The following LAMC1 variants were observed in gnomAD, a reference collection of about 807,000 sequenced individuals.
LAMC1 encodes the protein laminin subunit gamma 1.
LAMC1 carries 38 observed loss-of-function variants against 173.6 expected under a neutral mutation model. That is an observed-to-expected ratio of 0.22 (90% CI 0.17 to 0.29). The LOEUF is 0.29. Among genes scored for constraint, LAMC1 ranks in the 10% least tolerant of loss-of-function variants. LAMC1 has a pLI of 1.00. For synonymous variants in LAMC1, 746 were observed against 749.1 expected (o/e 1.00, Z 0.07); for missense variants, 1,824 against 2,051.8 (o/e 0.89, Z 2.14).
chr1:183,076,243 G>T (rs148370579), intron 1 of LAMC1, among the ~76,000 whole-genome samples: 2 of 152,252 alleles, frequency 1.3e-5, no homozygotes, highest in African/African-American at 2.4e-5. Flanking sequence ...GGAAGTTTGC[G>T]TGCTTTCCAA....
chr1:183,033,443 G>A (rs2102008783), intron 1 of LAMC1, among the ~76,000 whole-genome samples: 1 of 152,262 alleles, frequency 6.6e-6, no homozygotes, highest in Non-Finnish European at 1.5e-5. Context: ...TAAGTCTGTG[G>A]GTTTTGCTGC....
intron 1 of LAMC1, among the ~76,000 whole-genome samples, chr1:183,075,271 T>C (rs777729513): frequency 3.3e-4 from 50 of 152,150 alleles, no homozygotes; most frequent in Non-Finnish European, 3.1e-4. Flanking sequence ...ACTGCTGGTG[T>C]GCGCCACCAC....
rs72729467 is a variant in LAMC1 at position 183,134,947 on chromosome 1, G to A, written c.4000-95G>A. The A allele has an allele frequency of 3.4e-3, 4,508 of 1,339,460 alleles. 11 individuals are homozygous for A. Among genetic ancestry groups the A allele is most frequent in the Non-Finnish European group, 4.2e-3 (3,963 of 938,122 alleles). 83.0% of individuals were successfully genotyped at this position (1,339,460 alleles called of 1,614,324 possible). A position where few individuals can be genotyped will look rare whatever the true frequency, so the allele number is the denominator to read the frequency against. On this transcript the variant is annotated intron_variant, in intron 23 of 27. Transcript: ENST00000258341. ...AGCCTAACAGATTTTATGCTGGCAA[G>A]TCTCAGGGTGGCACCTCTGGAGAGC...
At chr1:183,093,757 C>A (rs1483342278) in intron 1 of LAMC1, among the ~76,000 whole-genome samples, 1 of 152,198 alleles carries the variant, frequency 6.6e-6, no homozygotes, top group Non-Finnish European at 1.5e-5. Flanking sequence ...TCCATCCCCC[C>A]ATGGCTGCTT....
chr1:183,071,116 A>C (rs1424354402), intron 1 of LAMC1, among the ~76,000 whole-genome samples: 1 of 147,372 alleles, frequency 6.8e-6, no homozygotes, highest in Non-Finnish European at 1.5e-5. Context: ...GAGTCCCATT[A>C]AAGACTGATC....
Position 183,126,146 on chromosome 1 carries a change from C to A in LAMC1, c.2828C>A (p.Thr943Asn), listed in dbSNP as rs957429133. The A allele has an allele frequency of 6.2e-7, 1 of 1,614,190 alleles. No individual in the cohort carries two copies. The highest frequency in any genetic ancestry group is 8.5e-7 in the Non-Finnish European group (1 of 1,180,034). Residue 943 changes from threonine (T) to asparagine (N), a missense_variant, in exon 16 of 28, where the codon ACC (threonine) becomes AAC (asparagine). Thr to Asn is a moderately conservative substitution (Grantham distance 65). Transcript: ENST00000258341. ...ERCDCHALGS[T>N]NGQCDIRTGQ... ...TGTGACTGCCATGCCTTGGGCTCCACCAATGGGCAGTGTGACATCCGCACC... is the reference window on the plus strand; with the variant it reads ...TGTGACTGCCATGCCTTGGGCTCCAACAATGGGCAGTGTGACATCCGCACC...
chr1:183,026,022 T>G lies in LAMC1; in HGVS notation c.418+1888T>G, dbSNP rs905968385. 3.3e-5 allele frequency among the ~76,000 whole-genome samples: 5 copies of G among 152,222 alleles called. No individual in the cohort carries two copies. The East Asian group carries it at 9.6e-4, about 29-fold the overall frequency. On this transcript the variant is annotated intron_variant, in intron 1 of 27. Coordinates refer to ENST00000258341, the MANE Select transcript of LAMC1 (RefSeq NM_002293.4). ...GATTGCTCCCACTGGGAGGCAGATATGTTAACTTTGGGTCATGGTTGATTA... is the reference window on the plus strand; with the variant it reads ...GATTGCTCCCACTGGGAGGCAGATAGGTTAACTTTGGGTCATGGTTGATTA...
At chr1:183,142,074 G>C (rs1657128157) in intron 27 of LAMC1, among the ~76,000 whole-genome samples, 1 of 152,314 alleles carries the variant, frequency 6.6e-6, no homozygotes, top group Admixed American at 6.5e-5. Context: ...AAAGCAGAAA[G>C]TGACCTTCAA....
chr1:183,122,190 T>G lies in LAMC1; in HGVS notation c.2340T>G (p.Ser780Arg), dbSNP rs964970058. 1.9e-6 allele frequency: 3 copies of G among 1,614,164 alleles called. No homozygotes were observed. In the Admixed American group the frequency reaches 5.0e-5, roughly 27 times the overall value. ...CQPCPCPGGS[S>R]CAVVPKTKEV... ...CCTGTCCGTGTCCTGGAGGTTCAAG[T>G]TGTGCTGTTGTTCCCAAGACAAAGG... Residue 780 changes from serine (S) to arginine (R), a missense_variant, in exon 13 of 28, where the codon AGT (serine) becomes AGG (arginine). Ser to Arg is a moderately radical substitution (Grantham distance 110). Coordinates refer to ENST00000258341, the MANE Select transcript of LAMC1 (RefSeq NM_002293.4).
rs905050750 is a variant in LAMC1 at position 183,107,253 on chromosome 1, C to T, written c.724-1023C>T. 5.9e-5 allele frequency among the ~76,000 whole-genome samples: 9 copies of T among 151,984 alleles called. No individual in the cohort carries two copies. In the East Asian group the frequency reaches 7.7e-4, roughly 13 times the overall value. Reference sequence around the variant, plus strand: ...GGACAAAATAGAAATTTCCTGCCCTCGTGGTACTTACAGTGTGGTGGGAAG... The same window carrying T: ...GGACAAAATAGAAATTTCCTGCCCTTGTGGTACTTACAGTGTGGTGGGAAG... On this transcript the variant is annotated intron_variant, in intron 2 of 27. Transcript: ENST00000258341.
intron 6 of LAMC1, among the ~76,000 whole-genome samples, chr1:183,115,841 TAAACTG>T (rs1656303488): frequency 6.6e-6 from 1 of 152,160 alleles, no homozygotes; most frequent in Non-Finnish European, 1.5e-5. Flanking sequence ...ATGACTATCT[TAAACTG>T]AAACCAAATA....
chr1:183,092,308 G>A (rs1344422306), intron 1 of LAMC1, among the ~76,000 whole-genome samples: 1 of 152,060 alleles, frequency 6.6e-6, no homozygotes, highest in Admixed American at 6.6e-5. Flanking sequence ...CAGTAGGGAA[G>A]TATTTCTCAA....
chr1:183,042,545 G>A (rs1285038325), intron 1 of LAMC1, among the ~76,000 whole-genome samples: 1 of 152,136 alleles, frequency 6.6e-6, no homozygotes, highest in African/African-American at 2.4e-5. Context: ...GCCAACTCCT[G>A]TGCTGAAGAG....
At chr1:183,127,081 T>C in intron 16 of LAMC1, 145 bp from the exon 17 acceptor site, 2 of 665,994 alleles carry the variant, frequency 3.0e-6, no homozygotes, top group Admixed American at 3.0e-5. Flanking sequence ...ACTTAGCCAT[T>C]TAAGATCTCA....
chr1:183,037,112 T>G (rs1654004920), intron 1 of LAMC1, among the ~76,000 whole-genome samples: 1 of 152,228 alleles, frequency 6.6e-6, no homozygotes. Context: ...TTGTAGGTTT[T>G]GGGTACTTGA....
chr1:183,063,278 A>G (rs1002847475), intron 1 of LAMC1, among the ~76,000 whole-genome samples: 1 of 151,580 alleles, frequency 6.6e-6, no homozygotes, highest in Non-Finnish European at 1.5e-5. Flanking sequence ...TCAGCAAGAT[A>G]GGCAAGTTCA....
chr1:183,045,681 T>A (rs1654249486), intron 1 of LAMC1, among the ~76,000 whole-genome samples: 1 of 152,118 alleles, frequency 6.6e-6, no homozygotes, highest in Admixed American at 6.5e-5. Context: ...AGATTCTCTC[T>A]ACCTGGGTTG....
chr1:183,032,897 T>C (rs1200448255), intron 1 of LAMC1, among the ~76,000 whole-genome samples: 4 of 152,166 alleles, frequency 2.6e-5, no homozygotes, highest in Non-Finnish European at 4.4e-5. Context: ...CCATCTTCTT[T>C]AGAGTTCTGA....
At chr1:183,129,521 AC>A (rs1656724275) in intron 18 of LAMC1, among the ~76,000 whole-genome samples, 1 of 150,970 alleles carries the variant, frequency 6.6e-6, no homozygotes, top group Non-Finnish European at 1.5e-5. Context: ...TTTTTTCCAA[AC>A]CTGTATTCAT....
Sources: allele counts gnomAD v4.1 joint callset (sites outside exome capture counted in the v4.1 genomes callset), GRCh38; gene constraint gnomAD v4.1.1; transcripts MANE v1.5; gene names NCBI Gene and HGNC (gene_info 2026-07-23, HGNC 2026-07-21).